The following CSMD3 variants were observed in gnomAD, a reference collection of about 807,000 sequenced individuals.
CSMD3 encodes CUB and sushi domain-containing protein 3.
CSMD3 carries 177 observed loss-of-function variants against 435.2 expected under a neutral mutation model. The observed-to-expected ratio is 0.41, with a 90% CI of 0.36 to 0.46. The LOEUF (loss-of-function observed/expected upper bound fraction) is 0.46. CSMD3 is among the 20% of genes least tolerant of loss of function. The pLI, the probability that CSMD3 is intolerant of heterozygous loss-of-function variation, is 0.34. For missense variants in CSMD3, 4,265 were observed against 4,504.6 expected, an observed-to-expected ratio of 0.95 and a Z score of 1.52; for synonymous variants, 1,656 against 1,520.5, an observed-to-expected ratio of 1.09 and a Z score of -2.07.
At chr8:113,248,256 T>A (rs1588364761) in intron 3 of CSMD3, among the ~76,000 whole-genome samples, 1 of 151,576 alleles carries the variant, frequency 6.6e-6, no homozygotes, top group East Asian at 1.9e-4. Flanking sequence ...TGAAGCATAA[T>A]TTACCTATCT....
intron 10 of CSMD3, among the ~76,000 whole-genome samples, chr8:112,873,905 T>C (rs1480809666): frequency 6.6e-6 from 1 of 152,154 alleles, no homozygotes; most frequent in Non-Finnish European, 1.5e-5. Context: ...CATATCTCTA[T>C]CTCCTTCAGT....
At chr8:113,240,321 T>A (rs983014943) in intron 3 of CSMD3, among the ~76,000 whole-genome samples, 2 of 152,190 alleles carry the variant, frequency 1.3e-5, no homozygotes, top group African/African-American at 2.4e-5. Flanking sequence ...TGAACATACA[T>A]GTGCATGTAT....
At chr8:113,220,864 G>A (rs1202557997) in intron 3 of CSMD3, among the ~76,000 whole-genome samples, 2 of 151,296 alleles carry the variant, frequency 1.3e-5, no homozygotes. Flanking sequence ...CTTCTGATGC[G>A]GAACACTTAT....
intron 3 of CSMD3, among the ~76,000 whole-genome samples, chr8:113,268,422 T>C (rs1417729366): frequency 6.6e-6 from 1 of 151,922 alleles, no homozygotes; most frequent in East Asian, 1.9e-4. Flanking sequence ...AAACAAACTT[T>C]GGGAAATTCA....
chr8:112,324,358 T>G (rs1051864761), intron 45 of CSMD3, among the ~76,000 whole-genome samples: 35 of 152,108 alleles, frequency 2.3e-4, no homozygotes, highest in Non-Finnish European at 2.6e-4. Context: ...GTATTTTGTA[T>G]TGTATTTGCA....
chr8:112,235,393 A>T (rs1813474169), intron 67 of CSMD3, among the ~76,000 whole-genome samples: 2 of 151,814 alleles, frequency 1.3e-5, no homozygotes, highest in Admixed American at 1.3e-4. Flanking sequence ...CAAAAAAAAC[A>T]AAAAACAAAA....
chr8:113,320,324 TTA>T (rs2093940849), intron 1 of CSMD3, among the ~76,000 whole-genome samples: 1 of 152,210 alleles, frequency 6.6e-6, no homozygotes, highest in South Asian at 2.1e-4. Context: ...TAACTAAATT[TTA>T]TATGACTTAG....
intron 1 of CSMD3, among the ~76,000 whole-genome samples, chr8:113,368,943 G>A (rs905996928): frequency 2.0e-5 from 3 of 151,930 alleles, no homozygotes; most frequent in Admixed American, 6.6e-5. Context: ...GTGGGTTTGT[G>A]TTTCTAAAAA....
At chr8:112,370,079 AAGAAGT>A (rs1248352396) in intron 38 of CSMD3, among the ~76,000 whole-genome samples, 21 of 133,048 alleles carry the variant, frequency 1.6e-4, no homozygotes, top group African/African-American at 4.2e-4. Context: ...GAAGAAGAAG[AAGAAGT>A]AGTAGTAGTA....
In CSMD3 at chr8:112,281,344, T is replaced by C. The variant is rs1444723625; in HGVS notation, c.9338A>G (p.Gln3113Arg). 3 of 1,611,870 alleles carry C rather than the reference T, an allele frequency of 1.9e-6. No individual in the cohort carries two copies. Among genetic ancestry groups the C allele is most frequent in the East Asian group, 2.2e-5 (1 of 44,802 alleles). The change falls in exon 59 of 71, where the codon CAG becomes CGG. Residue 3113 changes from glutamine (Q) to arginine (R), a missense_variant. This residue lies in a region of CSMD3 where 3,255 missense variants were observed against 3,380.2 expected (regional missense o/e 0.96). Coordinates refer to ENST00000297405, the MANE Select transcript of CSMD3 (RefSeq NM_198123.2). ...GGCTGTGGTTCCTGGGTTACCACAC[T>C]GCACAGCTATAAAACAAAGTGTTTA... Reference protein sequence around the residue: ...TGRQPECKAVQCGNPGTTANG... With the variant: ...TGRQPECKAVRCGNPGTTANG...
chr8:112,975,470 A>G (rs1222966618), intron 7 of CSMD3, among the ~76,000 whole-genome samples: 1 of 152,128 alleles, frequency 6.6e-6, no homozygotes. Context: ...AAATATATGC[A>G]CTTATTAATC....
intron 7 of CSMD3, among the ~76,000 whole-genome samples, chr8:112,966,735 T>A (rs1026294184): frequency 1.2e-4 from 18 of 152,010 alleles, no homozygotes; most frequent in Admixed American, 9.9e-4. Flanking sequence ...ATAATGAATG[T>A]CAATAGCTCA....
At chr8:112,365,053 T>G (rs950466100) in intron 38 of CSMD3, among the ~76,000 whole-genome samples, 3 of 152,074 alleles carry the variant, frequency 2.0e-5, no homozygotes, top group Non-Finnish European at 2.9e-5. Flanking sequence ...ATAGCCTATA[T>G]CATAAAATAC....
intron 9 of CSMD3, among the ~76,000 whole-genome samples, chr8:112,925,382 C>T (rs961151558): frequency 2.4e-4 from 36 of 151,880 alleles, no homozygotes; most frequent in African/African-American, 8.4e-4. Context: ...CACGGTGAGA[C>T]CCCGTCTCTA....
chr8:112,868,634 A>G (rs559958792), intron 10 of CSMD3, among the ~76,000 whole-genome samples: 2 of 152,292 alleles, frequency 1.3e-5, no homozygotes, highest in South Asian at 2.1e-4. Context: ...TACAGTAATC[A>G]TAACAGTATG....
chr8:112,763,965 C>A (rs1331914170), intron 13 of CSMD3, among the ~76,000 whole-genome samples: 2 of 151,318 alleles, frequency 1.3e-5, no homozygotes, highest in African/African-American at 4.8e-5. Context: ...TTATAAGTAG[C>A]TGAAAATACT....
intron 38 of CSMD3, among the ~76,000 whole-genome samples, chr8:112,359,976 T>A (rs1449324247): frequency 6.6e-6 from 1 of 152,142 alleles, no homozygotes; most frequent in African/African-American, 2.4e-5. Context: ...GCCTTCCCTG[T>A]GTATTAATCT....
At chr8:113,308,975 G>A (rs2132640228) in intron 2 of CSMD3, among the ~76,000 whole-genome samples, 1 of 152,112 alleles carries the variant, frequency 6.6e-6, no homozygotes, top group African/African-American at 2.4e-5. Flanking sequence ...TAGAGACAGG[G>A]TCTGGCTCTG....
intron 1 of CSMD3, among the ~76,000 whole-genome samples, chr8:113,397,594 A>G (rs1010620575): frequency 6.6e-6 from 1 of 151,730 alleles, no homozygotes; most frequent in Non-Finnish European, 1.5e-5. Context: ...GAGGCGGGGG[A>G]ACACGAGGTC....
Sources: gnomAD v4.1 joint callset for allele counts (sites outside exome capture counted in the v4.1 genomes callset) on GRCh38, gnomAD v4.1.1 for gene constraint, gnomAD v4.1.1 regional missense constraint, MANE v1.5 for transcripts, NCBI Gene and HGNC (gene_info 2026-07-23, HGNC 2026-07-21) for gene names.